LDLRAD3: variants seen among roughly 807,000 people sequenced by gnomAD.
LDLRAD3 encodes the protein low density lipoprotein receptor class A domain containing 3, also known as low-density lipoprotein receptor class A domain-containing protein 3.
A neutral mutation model predicts 29.4 loss-of-function variants in LDLRAD3; 20 were observed. That is an observed-to-expected ratio of 0.68 (90% CI 0.48 to 0.99). The LOEUF (loss-of-function observed/expected upper bound fraction) is 0.99, where lower values mean the gene tolerates loss of function less well. LDLRAD3 is among the 50% of genes least tolerant of loss of function. The pLI is 0.00. For missense variants in LDLRAD3, 420 were observed against 454.3 expected, an observed-to-expected ratio of 0.92 and a Z score of 0.69; for synonymous variants, 157 against 192.7, an observed-to-expected ratio of 0.81 and a Z score of 1.53.
intron 3 of LDLRAD3, among the ~76,000 whole-genome samples, chr11:36,093,544 C>T (rs756341160): frequency 1.3e-5 from 2 of 152,056 alleles, no homozygotes; most frequent in African/African-American, 2.4e-5. Flanking sequence ...ACTACTGACA[C>T]AGGATTTTTC....
chr11:36,177,979 A>C (rs1163348740), intron 4 of LDLRAD3, among the ~76,000 whole-genome samples: 1 of 152,174 alleles, frequency 6.6e-6, no homozygotes, highest in Non-Finnish European at 1.5e-5. Flanking sequence ...TGGCTGTCTC[A>C]TGGAGTTTGC....
chr11:35,966,838 T>C (rs1165278106), intron 1 of LDLRAD3, among the ~76,000 whole-genome samples: 1 of 152,234 alleles, frequency 6.6e-6, no homozygotes, highest in Non-Finnish European at 1.5e-5. Context: ...AATAGCATCA[T>C]ATAACCTGGG....
intron 2 of LDLRAD3, among the ~76,000 whole-genome samples, chr11:36,061,440 C>A (rs1407728274): frequency 6.6e-6 from 1 of 152,078 alleles, no homozygotes; most frequent in African/African-American, 2.4e-5. Context: ...TGTGCCTGGC[C>A]AAGCATGAAG....
chr11:36,015,443 T>C (rs896326668), intron 1 of LDLRAD3, among the ~76,000 whole-genome samples: 1 of 151,942 alleles, frequency 6.6e-6, no homozygotes, highest in Non-Finnish European at 1.5e-5. Context: ...ATGGTGTCTA[T>C]AAGCCAGCTG....
At chr11:36,067,353 CACT>C (rs1332233219) in intron 2 of LDLRAD3, among the ~76,000 whole-genome samples, 1 of 152,154 alleles carries the variant, frequency 6.6e-6, no homozygotes, top group Admixed American at 6.5e-5. Flanking sequence ...TACTACATAA[CACT>C]ACATTTTATA....
intron 4 of LDLRAD3, among the ~76,000 whole-genome samples, chr11:36,100,684 GC>G (rs1189376218): frequency 1.3e-5 from 2 of 152,174 alleles, no homozygotes; most frequent in Non-Finnish European, 2.9e-5. Flanking sequence ...TGATCTGCCT[GC>G]CTCAGCCTCC....
At chr11:36,085,030 T>G (rs747698067) in intron 3 of LDLRAD3, among the ~76,000 whole-genome samples, 4 of 152,260 alleles carry the variant, frequency 2.6e-5, no homozygotes, top group Non-Finnish European at 4.4e-5. Flanking sequence ...ATTTGATCAC[T>G]CTTTCCTTCA....
chr11:36,224,032 T>C (rs1855464950), intron 4 of LDLRAD3, among the ~76,000 whole-genome samples: 1 of 150,448 alleles, frequency 6.6e-6, no homozygotes, highest in Non-Finnish European at 1.5e-5. Flanking sequence ...TTAAAATGGT[T>C]ACAGTGGTAA....
chr11:36,025,318 A>G (rs2133201119), intron 1 of LDLRAD3, among the ~76,000 whole-genome samples: 1 of 152,168 alleles, frequency 6.6e-6, no homozygotes, highest in East Asian at 1.9e-4. Context: ...GTTACCAAGA[A>G]TAGCACAAAT....
intron 2 of LDLRAD3, among the ~76,000 whole-genome samples, chr11:36,046,163 A>G (rs190596976): frequency 1.3e-4 from 20 of 152,110 alleles, no homozygotes; most frequent in Non-Finnish European, 2.9e-5. Context: ...TTATGGCTGC[A>G]TAGTATTCCA....
At chr11:35,998,256 CTTG>C (rs1186709675) in intron 1 of LDLRAD3, among the ~76,000 whole-genome samples, 1 of 152,054 alleles carries the variant, frequency 6.6e-6, no homozygotes, top group Non-Finnish European at 1.5e-5. Context: ...GTTTTTTGTT[CTTG>C]TTGTCTGTCA....
chr11:36,143,589 G>A (rs1200700396), intron 4 of LDLRAD3, among the ~76,000 whole-genome samples: 1 of 152,214 alleles, frequency 6.6e-6, no homozygotes, highest in Admixed American at 6.5e-5. Flanking sequence ...TATGGAGACT[G>A]TGTGTTCCAG....
At chr11:35,993,971 T>G (rs1165799295) in intron 1 of LDLRAD3, among the ~76,000 whole-genome samples, 5 of 152,154 alleles carry the variant, frequency 3.3e-5, no homozygotes, top group Admixed American at 3.3e-4. Flanking sequence ...TCACATAGAT[T>G]TAAAGGTTTT....
intron 4 of LDLRAD3, among the ~76,000 whole-genome samples, chr11:36,226,307 G>A (rs1490152881): frequency 1.3e-5 from 2 of 152,166 alleles, no homozygotes; most frequent in African/African-American, 4.8e-5. Context: ...TTTGAGCCCA[G>A]GAGTTCCTGC....
At chr11:35,996,853 C>CT (rs1215185371) in intron 1 of LDLRAD3, among the ~76,000 whole-genome samples, 2 of 152,190 alleles carry the variant, frequency 1.3e-5, no homozygotes, top group African/African-American at 4.8e-5. Flanking sequence ...CATCCAAATT[C>CT]TTCCAACATC....
At chr11:35,951,197 T>G (rs961069347) in intron 1 of LDLRAD3, among the ~76,000 whole-genome samples, 1 of 152,192 alleles carries the variant, frequency 6.6e-6, no homozygotes, top group African/African-American at 2.4e-5. Context: ...TTCATCTTCC[T>G]TTCCCATTTC....
chr11:36,130,884 C>T (rs1853915931), intron 4 of LDLRAD3, among the ~76,000 whole-genome samples: 1 of 152,308 alleles, frequency 6.6e-6, no homozygotes, highest in Admixed American at 6.5e-5. Context: ...AGTCCAAGTC[C>T]AGTGCGCACT....
intron 4 of LDLRAD3, among the ~76,000 whole-genome samples, chr11:36,147,098 CTTTTTTTTTTTTTTTTTTTTTT>C (rs55747441): frequency 2.5e-4 from 12 of 48,220 alleles, no homozygotes; most frequent in South Asian, 1.8e-3. Context: ...CCCATATTTA[CTTTTTTTTTTTTTTTTTTTTTT>C]TTTTTTTTTT....
intron 4 of LDLRAD3, among the ~76,000 whole-genome samples, chr11:36,212,828 A>G (rs903375623): frequency 6.6e-6 from 1 of 152,154 alleles, no homozygotes; most frequent in Non-Finnish European, 1.5e-5. Context: ...ATTAGGGGCC[A>G]TTGATACCAG....
Sources: allele counts gnomAD v4.1 joint callset (sites outside exome capture counted in the v4.1 genomes callset), GRCh38; gene constraint gnomAD v4.1.1; transcripts MANE v1.5; gene names NCBI Gene and HGNC (gene_info 2026-07-23, HGNC 2026-07-21).